Variants in RLF observed in about 807,000 individuals in gnomAD.
RLF encodes the protein RLF zinc finger.
Under a neutral mutation model 162.9 loss-of-function variants are expected in RLF, and 7 were observed. The observed-to-expected ratio is 0.04, with a 90% CI of 0.02 to 0.08. The LOEUF (loss-of-function observed/expected upper bound fraction) is 0.08. Among genes scored for constraint, RLF ranks in the 10% least tolerant of loss-of-function variants. The pLI is 1.00. For missense variants in RLF, 1,664 were observed against 2,244.7 expected, an observed-to-expected ratio of 0.74 and a Z score of 5.23; for synonymous variants, 782 against 791.5, an observed-to-expected ratio of 0.99 and a Z score of 0.20.
chr1:40,220,437 A>G (rs1570554261), intron 5 of RLF, among the ~76,000 whole-genome samples: 1 of 151,962 alleles, frequency 6.6e-6, no homozygotes, highest in East Asian at 1.9e-4. Context: ...GCTTATTCCT[A>G]CTCATTCATT....
At chr1:40,223,295 G>A (rs1643020590) in intron 6 of RLF, among the ~76,000 whole-genome samples, 1 of 152,078 alleles carries the variant, frequency 6.6e-6, no homozygotes, top group South Asian at 2.1e-4. Context: ...AATCTATTTA[G>A]GCCAAAGGGA....
At chr1:40,177,676 G>A (rs919506910) in intron 1 of RLF, among the ~76,000 whole-genome samples, 1 of 151,912 alleles carries the variant, frequency 6.6e-6, no homozygotes, top group African/African-American at 2.4e-5. Flanking sequence ...TCTAATCCGA[G>A]ACCACAGAGA....
intron 6 of RLF, among the ~76,000 whole-genome samples, chr1:40,228,279 C>A (rs1320507328): frequency 6.7e-6 from 1 of 149,580 alleles, no homozygotes; most frequent in South Asian, 2.1e-4. Context: ...GAACAAGACT[C>A]CATCTCAAAA....
At chr1:40,164,748 A>G (rs1014406854) in intron 1 of RLF, among the ~76,000 whole-genome samples, 3 of 152,114 alleles carry the variant, frequency 2.0e-5, no homozygotes, top group African/African-American at 7.2e-5. Context: ...AGTAAACTTC[A>G]TTATCAAAAT....
chr1:40,221,917 A>AAAAAAAAAAAAAAAAAAAAAGAGAGAG (rs1486982312), intron 5 of RLF, among the ~76,000 whole-genome samples: 1 of 150,284 alleles, frequency 6.7e-6, no homozygotes, highest in African/African-American at 2.5e-5. Flanking sequence ...AAAAAAAAAA[A>AAAAAAAAAAAAAAAAAAAAAGAGAGAG]AGAGAAAGGA....
chr1:40,170,807 G>C (rs917483451), intron 1 of RLF, among the ~76,000 whole-genome samples: 5 of 152,100 alleles, frequency 3.3e-5, no homozygotes, highest in African/African-American at 1.2e-4. Context: ...TATTTCAGAC[G>C]TATCTTGAGT....
At chr1:40,212,344 A>G (rs1642875173) in intron 5 of RLF, among the ~76,000 whole-genome samples, 1 of 152,242 alleles carries the variant, frequency 6.6e-6, no homozygotes. Flanking sequence ...GGAAGGCAGA[A>G]GAATTTCATG....
chr1:40,223,478 G>C (rs1023240322), intron 6 of RLF, among the ~76,000 whole-genome samples: 2 of 152,204 alleles, frequency 1.3e-5, no homozygotes, highest in East Asian at 3.8e-4. Context: ...GAATGGGTTG[G>C]ATTTGCATTA....
At chr1:40,186,055 C>T (rs1350652702) in intron 1 of RLF, among the ~76,000 whole-genome samples, 1 of 151,702 alleles carries the variant, frequency 6.6e-6, no homozygotes, top group African/African-American at 2.4e-5. Context: ...TACTCAGGAG[C>T]CTGAGGTGAA....
intron 2 of RLF, 138 bp from the exon 3 acceptor site, chr1:40,190,634 A>G: frequency 1.8e-6 from 1 of 545,116 alleles, no homozygotes; most frequent in Non-Finnish European, 3.1e-6. Flanking sequence ...TCAATATAAC[A>G]ACTCTGAAGC....
At position 40,169,505 on chromosome 1, in the gene RLF, A is replaced by C. The variant is rs543979805; in HGVS notation, c.237+7869A>C. Among the ~76,000 whole-genome samples the C allele has an allele frequency of 9.0e-3, 1,341 of 148,876 alleles. 13 individuals are homozygous for C. Among genetic ancestry groups the C allele is most frequent in the Middle Eastern group, 0.024 (7 of 286 alleles). ...GTGGCGGGCGCCTGTGGTCCCAGCTACTCGGGAGGCTGAGGCAGGAGAATG... is the reference window on the plus strand; with the variant it reads ...GTGGCGGGCGCCTGTGGTCCCAGCTCCTCGGGAGGCTGAGGCAGGAGAATG... On this transcript the variant is annotated intron_variant, in intron 1 of 7. Coordinates refer to ENST00000372771, the MANE Select transcript of RLF (RefSeq NM_012421.4).
chr1:40,221,486 T>TA (rs146837709), intron 5 of RLF, among the ~76,000 whole-genome samples: 3 of 151,902 alleles, frequency 2.0e-5, no homozygotes, highest in East Asian at 1.9e-4. Flanking sequence ...AGCTGAGCTT[T>TA]AAAAAAAGCC....
At chr1:40,233,113 A>G (rs1643173916) in intron 7 of RLF, among the ~76,000 whole-genome samples, 1 of 150,312 alleles carries the variant, frequency 6.7e-6, no homozygotes, top group South Asian at 2.1e-4. Flanking sequence ...AAAAAAAAGC[A>G]AAGATTGAAT....
chr1:40,224,179 A>G (rs1643032524), intron 6 of RLF, among the ~76,000 whole-genome samples: 2 of 152,210 alleles, frequency 1.3e-5, no homozygotes, highest in Admixed American at 1.3e-4. Context: ...TGTAGCAGGA[A>G]GAGATGAATG....
At chr1:40,182,066 T>C (rs1642410980) in intron 1 of RLF, among the ~76,000 whole-genome samples, 1 of 152,138 alleles carries the variant, frequency 6.6e-6, no homozygotes, top group Admixed American at 6.6e-5. Context: ...ACACTGACAT[T>C]GAAGAAAACT....
chr1:40,232,086 T>C (rs972019814), intron 7 of RLF, among the ~76,000 whole-genome samples: 1 of 152,004 alleles, frequency 6.6e-6, no homozygotes, highest in Admixed American at 6.5e-5. Flanking sequence ...CGGGCGCCTG[T>C]AATCCCAGCT....
intron 5 of RLF, among the ~76,000 whole-genome samples, chr1:40,214,942 A>AAAAAAAAAG (rs1557753884): frequency 6.8e-6 from 1 of 147,494 alleles, no homozygotes; most frequent in Non-Finnish European, 1.5e-5. Flanking sequence ...AAAAAAAAAA[A>AAAAAAAAAG]AAACTAAAGT....
At chr1:40,227,286 G>A (rs1490622210) in intron 6 of RLF, among the ~76,000 whole-genome samples, 1 of 152,116 alleles carries the variant, frequency 6.6e-6, no homozygotes, top group East Asian at 1.9e-4. Flanking sequence ...TACATCATCT[G>A]AACATTGGCA....
At chr1:40,197,227 A>G (rs1040853901) in intron 4 of RLF, among the ~76,000 whole-genome samples, 2 of 152,212 alleles carry the variant, frequency 1.3e-5, no homozygotes, top group African/African-American at 4.8e-5. Context: ...TTGCACTGAC[A>G]AGAAAAAAAA....
Sources: allele counts gnomAD v4.1 joint callset (sites outside exome capture counted in the v4.1 genomes callset), GRCh38; gene constraint gnomAD v4.1.1; transcripts MANE v1.5; gene names NCBI Gene and HGNC (gene_info 2026-07-23, HGNC 2026-07-21).